The following ASIC2 variants were observed in gnomAD, a reference collection of about 807,000 sequenced individuals.
The protein encoded by ASIC2 is acid sensing ion channel subunit 2.
Under a neutral mutation model 57.3 loss-of-function variants are expected in ASIC2, and 25 were observed. The observed-to-expected ratio is 0.44, with a 90% CI of 0.32 to 0.61. ASIC2 has a LOEUF of 0.61. Ranked by LOEUF, ASIC2 falls within the 20% of genes least tolerant of loss-of-function variation. The probability of loss-of-function intolerance (pLI) is 0.06; values close to 1 mark genes in which losing one functional copy is unlikely to be tolerated. For synonymous variants in ASIC2, 319 were observed against 307.5 expected, an observed-to-expected ratio of 1.04 and a Z score of -0.39; for missense variants, 641 against 738.1, an observed-to-expected ratio of 0.87 and a Z score of 1.52.
intron 1 of ASIC2, among the ~76,000 whole-genome samples, chr17:33,735,847 C>T (rs574301426): frequency 7.2e-5 from 11 of 152,304 alleles, no homozygotes; most frequent in Admixed American, 6.5e-4. Flanking sequence ...GTCAACAAGC[C>T]TTATTTTTCT....
intron 1 of ASIC2, among the ~76,000 whole-genome samples, chr17:33,475,458 C>A (rs1371056677): frequency 7.9e-5 from 12 of 152,072 alleles, no homozygotes; most frequent in African/African-American, 2.7e-4. Flanking sequence ...AAAATAATTA[C>A]CATTACATTA....
At chr17:34,044,066 C>T (rs1405160509) in intron 1 of ASIC2, among the ~76,000 whole-genome samples, 2 of 151,666 alleles carry the variant, frequency 1.3e-5, no homozygotes. Context: ...GATAAAACAG[C>T]TCATACAAAA....
chr17:34,050,525 G>C (rs544881510), intron 1 of ASIC2, among the ~76,000 whole-genome samples: 1 of 152,294 alleles, frequency 6.6e-6, no homozygotes, highest in Admixed American at 6.5e-5. Context: ...TCAGGGTCCT[G>C]TGAACATGTT....
intron 1 of ASIC2, chr17:33,791,753 C>A (rs1264186196): frequency 6.6e-6 from 1 of 151,774 alleles, no homozygotes; most frequent in African/African-American, 2.4e-5. Context: ...TCATTTATTT[C>A]TTTAAAGTGC....
intron 1 of ASIC2, among the ~76,000 whole-genome samples, chr17:33,226,633 G>T (rs1907891851): frequency 1.3e-5 from 2 of 152,104 alleles, no homozygotes; most frequent in Admixed American, 6.5e-5. Context: ...TGTGTTGTTT[G>T]GGTCTCTGTC....
At chr17:33,958,374 G>A (rs924869431) in intron 1 of ASIC2, among the ~76,000 whole-genome samples, 2 of 152,208 alleles carry the variant, frequency 1.3e-5, no homozygotes, top group African/African-American at 4.8e-5. Flanking sequence ...CCTGAGCAGA[G>A]GTTCTCCATG....
intron 1 of ASIC2, among the ~76,000 whole-genome samples, chr17:34,077,879 C>T (rs1567811695): frequency 6.6e-6 from 1 of 152,082 alleles, no homozygotes; most frequent in Non-Finnish European, 1.5e-5. Flanking sequence ...CCCAGCGACC[C>T]CAGAACATGG....
intron 1 of ASIC2, among the ~76,000 whole-genome samples, chr17:33,996,101 G>A (rs1906151136): frequency 6.6e-6 from 1 of 152,094 alleles, no homozygotes; most frequent in Admixed American, 6.6e-5. Context: ...GATGATTAGT[G>A]ATGTTGAACA....
At chr17:33,364,807 G>A (rs149832423) in intron 1 of ASIC2, among the ~76,000 whole-genome samples, 213 of 152,208 alleles carry the variant, frequency 1.4e-3, no homozygotes, top group African/African-American at 4.6e-3. Context: ...CAGAAGTCAC[G>A]TCAGTTTCCA....
At chr17:33,338,204 G>A (rs1156291097) in intron 1 of ASIC2, among the ~76,000 whole-genome samples, 1 of 152,024 alleles carries the variant, frequency 6.6e-6, no homozygotes, top group East Asian at 1.9e-4. Context: ...TGTTCTGGAA[G>A]GGAAAGGAGG....
At chr17:33,674,844 G>A (rs981490990) in intron 1 of ASIC2, among the ~76,000 whole-genome samples, 23 of 152,142 alleles carry the variant, frequency 1.5e-4, no homozygotes, top group African/African-American at 5.6e-4. Context: ...TCTGTCTTAG[G>A]CCCTGCATTT....
chr17:33,317,659 C>T (rs1484225047), intron 1 of ASIC2, among the ~76,000 whole-genome samples: 1 of 152,018 alleles, frequency 6.6e-6, no homozygotes, highest in African/African-American at 2.4e-5. Flanking sequence ...ATAAATAAGA[C>T]CTCACTCTTG....
At chr17:34,118,283 G>C (rs1911488623) in intron 1 of ASIC2, 1 of 152,194 alleles carries the variant, frequency 6.6e-6, no homozygotes, top group Admixed American at 6.5e-5. Flanking sequence ...GTATGTAAGA[G>C]GCTCAGGATG....
At chr17:33,082,410 C>T (rs1348069598) in intron 3 of ASIC2, among the ~76,000 whole-genome samples, 1 of 152,156 alleles carries the variant, frequency 6.6e-6, no homozygotes, top group East Asian at 1.9e-4. Flanking sequence ...CAAATCATGA[C>T]TTGGAAGTCC....
At chr17:33,926,986 G>A (rs1238138006) in intron 1 of ASIC2, among the ~76,000 whole-genome samples, 1 of 152,140 alleles carries the variant, frequency 6.6e-6, no homozygotes, top group East Asian at 1.9e-4. Context: ...GAGTGCAGTG[G>A]CACAATCTCT....
rs1329181686 is a variant in ASIC2, at chr17:33,014,008, G to A, written c.1649C>T (p.Pro550Leu). ...SETISHTVNVPLQTTLGTLEE... is the reference protein window; with the variant it reads ...SETISHTVNVLLQTTLGTLEE... Reference sequence around the variant, plus strand: ...CAAGGTCCCCAGGGTCGTCTGCAGGGGCACGTTCACAGTGTGACTGATGGT... The same window carrying A: ...CAAGGTCCCCAGGGTCGTCTGCAGGAGCACGTTCACAGTGTGACTGATGGT... The change falls in exon 10 of 10, where the codon CCC becomes CTC. Residue 550 changes from proline (P) to leucine (L), a missense_variant. Pro to Leu is a moderately conservative substitution (Grantham distance 98). Transcript: ENST00000225823. 42 of 1,605,036 alleles carry A rather than the reference G, an allele frequency of 2.6e-5. No individual in the cohort carries two copies. Among genetic ancestry groups the A allele is most frequent in the Non-Finnish European group, 3.5e-5 (41 of 1,175,584 alleles).
intron 1 of ASIC2, among the ~76,000 whole-genome samples, chr17:34,034,927 G>A (rs556251293): frequency 0.13 from 19,705 of 151,844 alleles, 1,306 homozygotes; most frequent in South Asian, 0.19. Context: ...CATGAAAATG[G>A]CCATACTGCC....
At chr17:33,211,868 A>G (rs1188689864) in intron 1 of ASIC2, among the ~76,000 whole-genome samples, 1 of 152,184 alleles carries the variant, frequency 6.6e-6, no homozygotes. Flanking sequence ...GACGGGTTCC[A>G]GGATCCCCCT....
chr17:33,234,347 A>T (rs319768), intron 1 of ASIC2, among the ~76,000 whole-genome samples: 95,558 of 151,984 alleles, frequency 0.63, 31,245 homozygotes, highest in Middle Eastern at 0.73. Context: ...AGCCGTGGAT[A>T]TGTGGCCCTG....
Sources: gnomAD v4.1 joint callset for allele counts (sites outside exome capture counted in the v4.1 genomes callset) on GRCh38, gnomAD v4.1.1 for gene constraint, MANE v1.5 for transcripts, NCBI Gene and HGNC (gene_info 2026-07-23, HGNC 2026-07-21) for gene names.